Variants in PTPRG observed in about 807,000 individuals in gnomAD.
The protein encoded by PTPRG is receptor-type tyrosine-protein phosphatase gamma.
PTPRG carries 102 observed loss-of-function variants against 165.3 expected under a neutral mutation model. That is an observed-to-expected ratio of 0.62 (90% confidence interval 0.53 to 0.73). The LOEUF is 0.73. PTPRG is among the 30% of genes least tolerant of loss of function. The pLI, the probability that PTPRG is intolerant of heterozygous loss-of-function variation, is 0.00. For synonymous variants in PTPRG, 675 were observed against 669.5 expected (o/e 1.01, Z -0.13); for missense variants, 1,866 against 1,861.4 (o/e 1.00, Z -0.05).
intron 1 of PTPRG, among the ~76,000 whole-genome samples, chr3:61,631,892 A>C (rs1701782804): frequency 1.3e-5 from 2 of 152,166 alleles, no homozygotes; most frequent in South Asian, 4.1e-4. Flanking sequence ...ACAAAGAGGG[A>C]AATGTAAATA....
intron 28 of PTPRG, 24 bp from the exon 29 acceptor site, chr3:62,292,397 G>GT (rs1559775526): frequency 1.9e-6 from 3 of 1,599,708 alleles, no homozygotes; most frequent in South Asian, 2.3e-5. Flanking sequence ...ATCTGAAATC[G>GT]TATCTTTTTT....
At chr3:61,769,956 TAATAATA>T (rs2034157788) in intron 2 of PTPRG, 4 of 152,148 alleles carry the variant, frequency 2.6e-5, no homozygotes, top group African/African-American at 9.7e-5. Context: ...GTGCAAGAAA[TAATAATA>T]AATAGTAATA....
intron 2 of PTPRG, among the ~76,000 whole-genome samples, chr3:61,947,520 G>A (rs1331623885): frequency 2.6e-5 from 4 of 152,134 alleles, no homozygotes; most frequent in Non-Finnish European, 5.9e-5. Context: ...CCAGATGGAG[G>A]TGACTTGTAT....
chr3:61,670,128 G>C (rs546433780), intron 1 of PTPRG, among the ~76,000 whole-genome samples: 4 of 152,270 alleles, frequency 2.6e-5, no homozygotes, highest in Non-Finnish European at 2.9e-5. Flanking sequence ...GCCCAACTCT[G>C]GGTGTGTTAG....
intron 4 of PTPRG, among the ~76,000 whole-genome samples, chr3:62,029,285 CA>C (rs1449449776): frequency 6.2e-4 from 95 of 152,170 alleles, no homozygotes; most frequent in Middle Eastern, 3.4e-3. Context: ...AGTTAGAGTC[CA>C]TTTGGAGACA....
intron 2 of PTPRG, among the ~76,000 whole-genome samples, chr3:61,775,486 T>G (rs2034349615): frequency 6.6e-6 from 1 of 152,176 alleles, no homozygotes; most frequent in Non-Finnish European, 1.5e-5. Flanking sequence ...TTAATCGTAT[T>G]AAAATAATGT....
At chr3:62,242,646 A>T (rs1041157458) in intron 14 of PTPRG, among the ~76,000 whole-genome samples, 1 of 152,110 alleles carries the variant, frequency 6.6e-6, no homozygotes, top group Non-Finnish European at 1.5e-5. Flanking sequence ...CTTGTTTTTT[A>T]TAGTTTCTTG....
rs138061080 is a variant in PTPRG, at chr3:61,622,011, T to G, written c.85+59639T>G. ...AAGTCCTGAAAGTATTTCTTGAAAGTCATCACTCAACTTCAGAGCATCTTA... is the reference window on the plus strand; with the variant it reads ...AAGTCCTGAAAGTATTTCTTGAAAGGCATCACTCAACTTCAGAGCATCTTA... On this transcript the variant is annotated intron_variant, in intron 1 of 29. Coordinates refer to ENST00000474889, the MANE Select transcript of PTPRG (RefSeq NM_002841.4). Among the ~76,000 whole-genome samples the G allele has an allele frequency of 4.6e-3, 694 of 152,318 alleles. 7 individuals are homozygous for G. Among genetic ancestry groups the G allele is most frequent in the Admixed American group, 8.5e-3 (130 of 15,300 alleles).
At chr3:62,139,991 T>A (rs149494558) in intron 6 of PTPRG, among the ~76,000 whole-genome samples, 48 of 152,354 alleles carry the variant, frequency 3.2e-4, no homozygotes, top group Non-Finnish European at 6.2e-4. Flanking sequence ...GTATTCCACC[T>A]GCTGGGACTG....
At chr3:61,860,466 A>C (rs2037233122) in intron 2 of PTPRG, among the ~76,000 whole-genome samples, 1 of 122,998 alleles carries the variant, frequency 8.1e-6, no homozygotes, top group Non-Finnish European at 1.6e-5. Flanking sequence ...TTTGAGACGA[A>C]GTCTCGCTTT....
At chr3:61,889,622 C>T (rs1327421307) in intron 2 of PTPRG, among the ~76,000 whole-genome samples, 6 of 152,078 alleles carry the variant, frequency 3.9e-5, no homozygotes, top group East Asian at 3.8e-4. Flanking sequence ...ATGCTTGAGT[C>T]GTTAGCTCAT....
At chr3:62,074,334 CTTTCTTTTCT>C (rs370443593) in intron 4 of PTPRG, among the ~76,000 whole-genome samples, 1 of 129,196 alleles carries the variant, frequency 7.7e-6, no homozygotes, top group Non-Finnish European at 1.5e-5. Context: ...TCTTTTTTTC[CTTTCTTTTCT>C]TTTCTTTCTT....
chr3:62,007,087 G>A (rs757780938), intron 4 of PTPRG, among the ~76,000 whole-genome samples: 36 of 152,066 alleles, frequency 2.4e-4, no homozygotes, highest in Non-Finnish European at 4.4e-4. Flanking sequence ...ATGCAGTCAC[G>A]ACCTTGGGAA....
Position 61,966,233 on chromosome 3 carries a change from G to C in PTPRG, c.191-23392G>C, listed in dbSNP as rs113733611. Among the ~76,000 whole-genome samples, 732 of 152,260 alleles carry C rather than the reference G, an allele frequency of 4.8e-3. 7 individuals carry two copies. The highest frequency in any genetic ancestry group is 0.017 in the African/African-American group (691 of 41,538). ...TGCTGGCGAAATTTTTGATGCTGTG[G>C]AATGTGTCAGCGCCAGTGGAGTATT... is the stretch of plus-strand genomic sequence containing the variant. On this transcript the variant is annotated intron_variant, in intron 2 of 29. Transcript: ENST00000474889.
Position 62,195,211 on chromosome 3 carries a change from G to A in PTPRG, c.1327+41G>A, listed in dbSNP as rs1699930023. The A allele has an allele frequency of 2.6e-6, 4 of 1,535,586 alleles. No homozygotes were observed. Among genetic ancestry groups the A allele is most frequent in the Non-Finnish European group, 3.6e-6 (4 of 1,108,804 alleles). Reference sequence around the variant, plus strand: ...CCTCCTGTGGCCGGGGTGCCCCTGAGACTCCCTCCCAATGCTTTCTGCTTC... The same window carrying A: ...CCTCCTGTGGCCGGGGTGCCCCTGAAACTCCCTCCCAATGCTTTCTGCTTC... On this transcript the variant is annotated intron_variant, in intron 10 of 29. Transcript: ENST00000474889. This position sits in a 1 kb window ranked among gnomAD's most constrained non-coding sequence, Gnocchi z 4.4.
intron 1 of PTPRG, among the ~76,000 whole-genome samples, chr3:61,619,802 G>A (rs1258207113): frequency 1.5e-4 from 23 of 152,154 alleles, no homozygotes; most frequent in Non-Finnish European, 1.5e-5. Context: ...CAACAGACCT[G>A]GTAGTGGATT....
chr3:62,033,636 A>G (rs570972367), intron 4 of PTPRG, among the ~76,000 whole-genome samples: 3 of 147,374 alleles, frequency 2.0e-5, no homozygotes, highest in Non-Finnish European at 4.4e-5. Context: ...AAATGTTGTG[A>G]TGACAGGCAT....
At chr3:61,724,066 T>C (rs1353546286) in intron 1 of PTPRG, among the ~76,000 whole-genome samples, 1 of 152,074 alleles carries the variant, frequency 6.6e-6, no homozygotes, top group Non-Finnish European at 1.5e-5. Context: ...ACCTTGTCTC[T>C]ACTAAAAATA....
chr3:61,654,231 G>C (rs2365931), intron 1 of PTPRG, among the ~76,000 whole-genome samples: 149,031 of 152,208 alleles, frequency 0.98, 72,998 homozygotes, highest in East Asian at 1. Context: ...ACACCTGCCC[G>C]CCACCCCCTG....
Sources: allele counts gnomAD v4.1 joint callset (sites outside exome capture counted in the v4.1 genomes callset), GRCh38; gene constraint gnomAD v4.1.1; non-coding constraint Gnocchi (gnomAD v3.1); transcripts MANE v1.5; gene names NCBI Gene and HGNC (gene_info 2026-07-23, HGNC 2026-07-21).